CMSS1: variants seen among roughly 807,000 people sequenced by gnomAD.
CMSS1 encodes protein CMSS1.
In CMSS1, 33 loss-of-function variants were observed where a neutral mutation model predicts 43.5. That is an observed-to-expected ratio of 0.76 (90% CI 0.57 to 1.01). The LOEUF is 1.01. CMSS1 is among the 50% of genes least tolerant of loss of function. CMSS1 has a pLI of 0.00. For missense variants in CMSS1, 313 were observed against 326.4 expected (o/e 0.96, Z 0.32); for synonymous variants, 115 against 117.2 (o/e 0.98, Z 0.12).
At chr3:100,000,876 A>G (rs1340930788) in intron 1 of CMSS1, among the ~76,000 whole-genome samples, 1 of 152,242 alleles carries the variant, frequency 6.6e-6, no homozygotes, top group African/African-American at 2.4e-5. Context: ...CTCAGTAACT[A>G]TGTTGTATAT....
chr3:99,931,201 C>T (rs1707472761), intron 1 of CMSS1, among the ~76,000 whole-genome samples: 1 of 152,076 alleles, frequency 6.6e-6, no homozygotes, highest in Non-Finnish European at 1.5e-5. Context: ...AAATCACAGT[C>T]TTATTTGCAC....
intron 1 of CMSS1, chr3:99,924,420 A>G: frequency 3.7e-6 from 6 of 1,612,486 alleles, no homozygotes; most frequent in Non-Finnish European, 4.2e-6. Flanking sequence ...TACGAAAGAA[A>G]ACATTTATAG....
Position 100,015,514 on chromosome 3 carries a change from A to G in CMSS1, c.65-131459A>G, listed in dbSNP as rs546261099. On this transcript the variant is annotated intron_variant, in intron 1 of 9. Coordinates refer to ENST00000421999, the MANE Select transcript of CMSS1 (RefSeq NM_032359.4). ...CAGTATTCATTTTTCTAATTCATGA[A>G]CACAGGATATCTTTCCATTTATTTG... 9.2e-5 allele frequency among the ~76,000 whole-genome samples: 14 copies of G among 152,312 alleles called. No individual in the cohort carries two copies. The South Asian group carries it at 2.5e-3, about 27-fold the overall frequency.
intron 1 of CMSS1, among the ~76,000 whole-genome samples, chr3:99,926,355 A>G (rs980519178): frequency 6.6e-6 from 1 of 152,216 alleles, no homozygotes; most frequent in Non-Finnish European, 1.5e-5. Flanking sequence ...TGAAACTGCT[A>G]TGTTGTATTG....
intron 1 of CMSS1, among the ~76,000 whole-genome samples, chr3:99,959,418 G>A (rs1708429976): frequency 6.6e-6 from 1 of 152,106 alleles, no homozygotes; most frequent in African/African-American, 2.4e-5. Flanking sequence ...CCAAAGTGCT[G>A]GGATTACAGG....
At chr3:99,853,712 AT>A (rs1256431383) in intron 1 of CMSS1, among the ~76,000 whole-genome samples, 1 of 152,174 alleles carries the variant, frequency 6.6e-6, no homozygotes, top group African/African-American at 2.4e-5. Flanking sequence ...CTGTCTGATT[AT>A]TTGAATGCAT....
At chr3:99,958,037 A>G (rs1708383970) in intron 1 of CMSS1, among the ~76,000 whole-genome samples, 1 of 149,408 alleles carries the variant, frequency 6.7e-6, no homozygotes, top group South Asian at 2.1e-4. Context: ...ATAAAGGCTC[A>G]ATGGGCTCAG....
intron 1 of CMSS1, chr3:99,830,723 G>GA: frequency 2.5e-6 from 1 of 393,382 alleles, no homozygotes. Context: ...AGTTTCTGGG[G>GA]ATGTATCAGA....
At chr3:100,139,269 T>C (rs982897563) in intron 1 of CMSS1, among the ~76,000 whole-genome samples, 1 of 151,908 alleles carries the variant, frequency 6.6e-6, no homozygotes, top group Non-Finnish European at 1.5e-5. Flanking sequence ...TGTATACCTA[T>C]GTAACAAACC....
chr3:99,849,390 T>G (rs1559656579), intron 1 of CMSS1: 1 of 1,614,222 alleles, frequency 6.2e-7, no homozygotes, highest in Non-Finnish European at 8.5e-7. Flanking sequence ...TTTCAATCTC[T>G]CTTCCTAAAT....
intron 1 of CMSS1, among the ~76,000 whole-genome samples, chr3:99,871,112 C>G (rs975622151): frequency 6.6e-6 from 1 of 152,172 alleles, no homozygotes; most frequent in African/African-American, 2.4e-5. Flanking sequence ...CCATACAAAG[C>G]AGATTTCACT....
intron 1 of CMSS1, among the ~76,000 whole-genome samples, chr3:99,886,563 TG>T (rs888721420): frequency 6.6e-6 from 1 of 151,948 alleles, no homozygotes; most frequent in Non-Finnish European, 1.5e-5. Context: ...GCCCAGATTT[TG>T]GGGGGGTAGA....
In CMSS1 at chr3:99,889,488, C is replaced by T. The variant is rs185039298; in HGVS notation, c.64+71445C>T. ...GTTCTGGTGAGTCTCATATAAATAACGTATAGCTAGGAATTATAATTGTTA... is the reference window on the plus strand; with the variant it reads ...GTTCTGGTGAGTCTCATATAAATAATGTATAGCTAGGAATTATAATTGTTA... On this transcript the variant is annotated intron_variant, in intron 1 of 9. Transcript: ENST00000421999. Among the ~76,000 whole-genome samples, 12 of 152,046 alleles carry T rather than the reference C, an allele frequency of 7.9e-5. No homozygotes were observed. In the South Asian group the frequency reaches 1.5e-3, roughly 18 times the overall value.
chr3:100,108,255 T>G (rs1158216648), intron 1 of CMSS1, among the ~76,000 whole-genome samples: 2 of 152,188 alleles, frequency 1.3e-5, no homozygotes, highest in African/African-American at 2.4e-5. Flanking sequence ...CAGAAGGAAC[T>G]GACCACGTTG....
intron 1 of CMSS1, among the ~76,000 whole-genome samples, chr3:100,134,201 G>A (rs572606351): frequency 6.5e-4 from 98 of 151,840 alleles, no homozygotes; most frequent in African/African-American, 2.1e-3. Flanking sequence ...TTTTTTTAAT[G>A]TTACCCTATT....
At chr3:99,850,919 G>C (rs774074786) in intron 1 of CMSS1, 1 of 1,614,140 alleles carries the variant, frequency 6.2e-7, no homozygotes, top group South Asian at 1.1e-5. Context: ...TGAAGGGTGA[G>C]CTGTGCCGTC....
chr3:99,858,731 A>G (rs532217869), intron 1 of CMSS1, among the ~76,000 whole-genome samples: 13 of 152,298 alleles, frequency 8.5e-5, no homozygotes, highest in African/African-American at 3.1e-4. Context: ...CTTCTGAGAG[A>G]ATGAGAGAGA....
intron 1 of CMSS1, among the ~76,000 whole-genome samples, chr3:99,951,346 C>A (rs1708170957): frequency 1.3e-5 from 2 of 152,170 alleles, no homozygotes; most frequent in African/African-American, 4.8e-5. Context: ...CAACCTCCCC[C>A]ACTGAACCCT....
chr3:99,850,949 C>A lies in CMSS1; in HGVS notation c.64+32906C>A, dbSNP rs185085774. 2.5e-6 allele frequency: 4 copies of A among 1,614,206 alleles called. No individual in the cohort carries two copies. In the Admixed American group the frequency reaches 6.7e-5, roughly 27 times the overall value. Reference sequence around the variant, plus strand: ...GCCGTCAGCCTTTGCTGTTCATCCACCACCATCAAAGCAAAAGACTTCAGC... The same window carrying A: ...GCCGTCAGCCTTTGCTGTTCATCCAACACCATCAAAGCAAAAGACTTCAGC... On this transcript the variant is annotated intron_variant, in intron 1 of 9. Coordinates refer to ENST00000421999, the MANE Select transcript of CMSS1 (RefSeq NM_032359.4).
Sources: allele counts gnomAD v4.1 joint callset (sites outside exome capture counted in the v4.1 genomes callset), GRCh38; gene constraint gnomAD v4.1.1; transcripts MANE v1.5; gene names NCBI Gene and HGNC (gene_info 2026-07-23, HGNC 2026-07-21).